The following NCKAP5 variants were observed in gnomAD, a reference collection of about 807,000 sequenced individuals.
NCKAP5 encodes NCK associated protein 5.
In NCKAP5, 92 loss-of-function variants were observed where a neutral mutation model predicts 167.0. The ratio of observed to expected loss-of-function variants is 0.55; its 90% CI spans 0.47 to 0.66. NCKAP5 has a LOEUF of 0.66. Ranked by LOEUF, NCKAP5 falls within the 30% of genes least tolerant of loss-of-function variation. The pLI, the probability that NCKAP5 is intolerant of heterozygous loss-of-function variation, is 0.00. For missense variants in NCKAP5, 2,378 were observed against 2,315.0 expected (o/e 1.03, Z -0.56); for synonymous variants, 891 against 877.4 (o/e 1.02, Z -0.27).
At chr2:132,788,983 C>A (rs943878527) in intron 13 of NCKAP5, among the ~76,000 whole-genome samples, 1 of 152,128 alleles carries the variant, frequency 6.6e-6, no homozygotes, top group Admixed American at 6.5e-5. Context: ...TGTACTGGTA[C>A]TCCATGACCA....
At chr2:133,591,595 T>G in the NCKAP5 span, among the ~76,000 whole-genome samples, 24 of 152,286 alleles carry the variant, frequency 1.6e-4, no homozygotes, top group Admixed American at 1.6e-3. Flanking sequence ...GCACCTGGCT[T>G]CATCACACTC....
chr2:133,026,384 T>C (rs867472857), intron 6 of NCKAP5, among the ~76,000 whole-genome samples: 1,768 of 152,136 alleles, frequency 0.012, 36 homozygotes, highest in African/African-American at 0.038. Context: ...TAGTGTTTTT[T>C]TTTTTTTTTA....
At chr2:133,105,248 G>A (rs2149694652) in intron 6 of NCKAP5, among the ~76,000 whole-genome samples, 1 of 152,226 alleles carries the variant, frequency 6.6e-6, no homozygotes, top group South Asian at 2.1e-4. Context: ...GTTATTCTTT[G>A]TTTTTAACAT....
intron 10 of NCKAP5, among the ~76,000 whole-genome samples, chr2:132,864,066 A>G (rs890438091): frequency 4.6e-5 from 7 of 152,246 alleles, no homozygotes; most frequent in African/African-American, 1.7e-4. Flanking sequence ...CTGCCAGTTC[A>G]GAGGCAAGAC....
intron 4 of NCKAP5, among the ~76,000 whole-genome samples, chr2:133,299,476 G>C (rs1680204436): frequency 6.6e-6 from 1 of 152,136 alleles, no homozygotes; most frequent in Non-Finnish European, 1.5e-5. Flanking sequence ...GCCGGGCCCG[G>C]GGGCTCACAC....
chr2:133,512,803 C>T (rs1683610245), intron 3 of NCKAP5, among the ~76,000 whole-genome samples: 1 of 152,138 alleles, frequency 6.6e-6, no homozygotes, highest in Non-Finnish European at 1.5e-5. Context: ...TACTCTCAGT[C>T]TGCAGTTACC....
At chr2:133,127,367 A>T (rs2149785499) in intron 6 of NCKAP5, among the ~76,000 whole-genome samples, 1 of 152,340 alleles carries the variant, frequency 6.6e-6, no homozygotes, top group African/African-American at 2.4e-5. Context: ...GATTTGCATT[A>T]GTTCTCTGGC....
chr2:133,255,498 G>T (rs948204041), intron 4 of NCKAP5, among the ~76,000 whole-genome samples: 1 of 151,530 alleles, frequency 6.6e-6, no homozygotes, highest in East Asian at 1.9e-4. Flanking sequence ...GGGGGGAGGG[G>T]TGTAAGTGAC....
chr2:133,341,681 A>T (rs1416829281), intron 3 of NCKAP5, among the ~76,000 whole-genome samples: 1 of 152,226 alleles, frequency 6.6e-6, no homozygotes, highest in Admixed American at 6.5e-5. Context: ...TAAGTAAAGT[A>T]GCACAGCACC....
At chr2:132,794,682 CAT>C (rs1491089231) in intron 12 of NCKAP5, among the ~76,000 whole-genome samples, 7 of 145,988 alleles carry the variant, frequency 4.8e-5, no homozygotes, top group African/African-American at 1.3e-4. Context: ...CACACACACA[CAT>C]ACACATGTGT....
chr2:133,192,477 G>T (rs1489450437), intron 5 of NCKAP5, among the ~76,000 whole-genome samples: 2 of 152,044 alleles, frequency 1.3e-5, no homozygotes, highest in East Asian at 3.9e-4. Context: ...GTTATACACT[G>T]GGAGAAAACA....
chr2:132,863,236 A>G (rs906286770), intron 10 of NCKAP5, among the ~76,000 whole-genome samples: 1 of 152,178 alleles, frequency 6.6e-6, no homozygotes, highest in East Asian at 1.9e-4. Flanking sequence ...AGTACTGCTA[A>G]TTAAGTAGTT....
intron 3 of NCKAP5, among the ~76,000 whole-genome samples, chr2:133,401,342 G>C (rs535141850): frequency 6.6e-6 from 1 of 152,248 alleles, no homozygotes; most frequent in African/African-American, 2.4e-5. Flanking sequence ...ATAATAGTAA[G>C]TTAACACTTT....
intron 3 of NCKAP5, among the ~76,000 whole-genome samples, chr2:133,333,635 T>A (rs961090335): frequency 6.6e-6 from 1 of 152,196 alleles, no homozygotes; most frequent in Non-Finnish European, 1.5e-5. Context: ...AGCATCTTCC[T>A]ACTTACTTTC....
the NCKAP5 span, among the ~76,000 whole-genome samples, chr2:133,634,298 A>G: frequency 6.6e-6 from 1 of 152,300 alleles, no homozygotes; most frequent in Middle Eastern, 3.4e-3. Context: ...ACTCCCTCGT[A>G]ACAAAGGGCT....
rs200162883 is a variant in NCKAP5 at position 132,933,852 on chromosome 2, GA to G, written c.579+29867del. On this transcript the variant is annotated intron_variant, in intron 8 of 19. Transcript: ENST00000409261. ...GAAAAGAATTGTATTTTCAGAGGGGGAAAAAAAAGAGCTACAACAATAGCTC... is the reference window on the plus strand; with the variant it reads ...GAAAAGAATTGTATTTTCAGAGGGGGAAAAAAAGAGCTACAACAATAGCTC... Among the ~76,000 whole-genome samples, 441 of 151,772 alleles carry G rather than the reference GA, an allele frequency of 2.9e-3. 2 individuals carry two copies. The highest frequency in any genetic ancestry group is 4.9e-3 in the Admixed American group (74 of 15,244).
At chr2:133,188,957 A>G (rs1452790428) in intron 5 of NCKAP5, among the ~76,000 whole-genome samples, 1 of 152,172 alleles carries the variant, frequency 6.6e-6, no homozygotes, top group African/African-American at 2.4e-5. Flanking sequence ...AAGGAGATAG[A>G]GACACAAAAA....
intron 5 of NCKAP5, among the ~76,000 whole-genome samples, chr2:133,165,474 C>T (rs2083962036): frequency 6.6e-6 from 1 of 152,140 alleles, no homozygotes; most frequent in Non-Finnish European, 1.5e-5. Context: ...AATTGTGGTA[C>T]ATCCATGCAA....
intron 8 of NCKAP5, among the ~76,000 whole-genome samples, chr2:132,920,660 TA>T (rs1695253135): frequency 1.7e-5 from 1 of 58,814 alleles, no homozygotes; most frequent in African/African-American, 1.5e-4. Context: ...TGGAAGAACT[TA>T]TATATATATA....
Sources: allele counts gnomAD v4.1 joint callset (sites outside exome capture counted in the v4.1 genomes callset), GRCh38; gene constraint gnomAD v4.1.1; transcripts MANE v1.5; gene names NCBI Gene and HGNC (gene_info 2026-07-23, HGNC 2026-07-21).